MYDGF: variants seen among roughly 807,000 people sequenced by gnomAD.
The protein encoded by MYDGF is myeloid derived growth factor, also known as myeloid-derived growth factor.
A neutral mutation model predicts 24.2 loss-of-function variants in MYDGF; 29 were observed. That is an observed-to-expected ratio of 1.20 (90% confidence interval 0.89 to 1.63). MYDGF has a LOEUF of 1.63. MYDGF is among the 40% of genes most tolerant of loss of function. MYDGF has a pLI of 0.00. For synonymous variants in MYDGF, 105 were observed against 102.5 expected (o/e 1.02, Z -0.15); for missense variants, 245 against 234.8 (o/e 1.04, Z -0.29).
chr19:4,667,634 AC>A (rs1029519950), intron 2 of MYDGF, among the ~76,000 whole-genome samples: 82 of 152,200 alleles, frequency 5.4e-4, no homozygotes, highest in African/African-American at 1.5e-3. Context: ...GGAAACCGGG[AC>A]CTTGGTCCCT....
chr19:4,668,345 TG>T lies in MYDGF; in HGVS notation c.225+249del, dbSNP rs10708391. Among the ~76,000 whole-genome samples the T allele has an allele frequency of 4.7e-3, 715 of 152,352 alleles. 17 individuals carry two copies. The highest frequency in any genetic ancestry group is 0.042 in the Admixed American group (645 of 15,292). On this transcript the variant is annotated intron_variant, in intron 2 of 5. Coordinates refer to ENST00000262947, the MANE Select transcript of MYDGF (RefSeq NM_019107.4). Reference sequence around the variant, plus strand: ...AATACAACATCCCAACAGATGCTCATGGGGATGGCAGACTCCCATCTCCCCT... The same window carrying T: ...AATACAACATCCCAACAGATGCTCATGGGATGGCAGACTCCCATCTCCCCT...
At chr19:4,660,151 G>T in intron 4 of MYDGF, 148 bp from the exon 5 acceptor site, 1 of 742,076 alleles carries the variant, frequency 1.3e-6, no homozygotes, top group Non-Finnish European at 2.3e-6. Flanking sequence ...TTTGAGCCAG[G>T]ACCTCACTCT....
chr19:4,657,968 G>T lies in MYDGF; in HGVS notation c.*37C>A. On this transcript the variant is annotated 3_prime_UTR_variant, in exon 6 of 6. Coordinates refer to ENST00000262947, the MANE Select transcript of MYDGF (RefSeq NM_019107.4). ...GGACACAGGCCCCTTCAGCTTCACC[G>T]GAGATGAGAAGGTGCCACCCGCAAC... 3.2e-6 allele frequency: 5 copies of T among 1,572,804 alleles called. No individual in the cohort carries two copies. The highest frequency in any genetic ancestry group is 4.5e-5 in the East Asian group (2 of 44,004).
intron 3 of MYDGF, among the ~76,000 whole-genome samples, chr19:4,664,489 C>CAA (rs397958176): frequency 6.1e-4 from 54 of 87,858 alleles, no homozygotes; most frequent in Non-Finnish European, 8.1e-4. Context: ...GACTCCATCT[C>CAA]AAAAAAAAAA....
rs773564623 is a variant in MYDGF, at chr19:4,670,203, G to C, written c.132C>G (p.Pro44=). The change falls in exon 1 of 6, where the codon CCC becomes CCG. Residue 44 remains proline (P), a synonymous_variant. Transcript: ENST00000262947. ...GGGAGAAGGAATGCACGACGCCGCC[G>C]GGCCGCACGTCAAACGCCACCGTCG... is the stretch of plus-strand genomic sequence containing the variant. ...EPTTVAFDVR[P]GGVVHSFSHN... is the part of the protein sequence containing the mutation. The C allele has an allele frequency of 5.1e-6, 8 of 1,560,056 alleles. No individual in the cohort carries two copies. The highest frequency in any genetic ancestry group is 6.9e-6 in the Non-Finnish European group (8 of 1,156,344).
At chr19:4,665,841 A>G (rs1340899374) in intron 2 of MYDGF, among the ~76,000 whole-genome samples, 1 of 133,594 alleles carries the variant, frequency 7.5e-6, no homozygotes, top group African/African-American at 3.4e-5. Flanking sequence ...AAAAAAAAAA[A>G]AAAAAAAAAA....
intron 5 of MYDGF, among the ~76,000 whole-genome samples, chr19:4,659,242 A>AT (rs952051822): frequency 6.6e-6 from 1 of 151,486 alleles, no homozygotes; most frequent in Admixed American, 6.6e-5. Context: ...TGCCCGGCTA[A>AT]TTTTTTTTCT....
chr19:4,658,165 T>A, intron 5 of MYDGF, 81 bp from the exon 6 acceptor site: 1 of 1,286,936 alleles, frequency 7.8e-7, no homozygotes, highest in South Asian at 1.3e-5. Context: ...GGGCCCATGG[T>A]GGGGGCTAAG....
intron 3 of MYDGF, among the ~76,000 whole-genome samples, chr19:4,664,548 G>T (rs1410315432): frequency 1.3e-5 from 2 of 151,884 alleles, no homozygotes; most frequent in Non-Finnish European, 2.9e-5. Context: ...TCACCCTTAG[G>T]GGAGGGTGGA....
intron 1 of MYDGF, 130 bp downstream of exon 1, chr19:4,670,031 C>G: frequency 9.3e-7 from 1 of 1,076,630 alleles, no homozygotes; most frequent in South Asian, 2.6e-5. Context: ...CCGACCCTAA[C>G]AATCCGCACC....
At chr19:4,660,612 A>AGCT in intron 4 of MYDGF, 57 bp downstream of exon 4, 13 of 1,494,378 alleles carry the variant, frequency 8.7e-6, no homozygotes, top group Non-Finnish European at 1.1e-5. Context: ...GACATCTCAC[A>AGCT]GCTGCCCCAG....
intron 5 of MYDGF, 55 bp from the exon 6 acceptor site, chr19:4,658,139 C>A: frequency 6.6e-7 from 1 of 1,521,062 alleles, no homozygotes; most frequent in South Asian, 1.2e-5. Flanking sequence ...CTCAGAAGTC[C>A]GGAGGATTTG....
At chr19:4,660,645 C>A in intron 4 of MYDGF, 24 bp downstream of exon 4, 1 of 1,605,984 alleles carries the variant, frequency 6.2e-7, no homozygotes, top group Non-Finnish European at 8.5e-7. Flanking sequence ...ACACCCGGAG[C>A]CTGCCCCACT....
intron 3 of MYDGF, among the ~76,000 whole-genome samples, chr19:4,661,367 C>A (rs1209210541): frequency 6.6e-6 from 1 of 152,178 alleles, no homozygotes; most frequent in Non-Finnish European, 1.5e-5. Flanking sequence ...ATTCACTGCA[C>A]ATGGCTTCTT....
intron 5 of MYDGF, 86 bp from the exon 6 acceptor site, chr19:4,658,170 G>T (rs1416581848): frequency 1.7e-6 from 2 of 1,185,486 alleles, no homozygotes; most frequent in Non-Finnish European, 2.4e-6. Flanking sequence ...CATGGTGGGG[G>T]CTAAGCAGGC....
At chr19:4,662,891 G>A (rs1476761629) in intron 3 of MYDGF, among the ~76,000 whole-genome samples, 1 of 151,796 alleles carries the variant, frequency 6.6e-6, no homozygotes, top group Non-Finnish European at 1.5e-5. Flanking sequence ...CACCAGCTCC[G>A]CCAGTTCCAC....
intron 2 of MYDGF, among the ~76,000 whole-genome samples, chr19:4,667,051 C>T (rs1394073643): frequency 1.3e-5 from 2 of 150,540 alleles, no homozygotes; most frequent in Non-Finnish European, 3.0e-5. Context: ...CTAGAGGCCG[C>T]GTGTATTCCC....
chr19:4,664,969 G>C, intron 2 of MYDGF, 32 bp from the exon 3 acceptor site: 1 of 1,607,100 alleles, frequency 6.2e-7, no homozygotes, highest in Non-Finnish European at 8.5e-7. Context: ...GGTCAGCCCC[G>C]GACACACAGC....
rs902606661 is a variant in MYDGF, at chr19:4,662,171, C to T, written c.288-1421G>A. ...TTGTAAAGCGCCCCGCAGGGCACGG[C>T]GGGACAACACCCACACGAGGCAGCA... On this transcript the variant is annotated intron_variant, in intron 3 of 5. Transcript: ENST00000262947. Among the ~76,000 whole-genome samples the T allele has an allele frequency of 3.3e-5, 5 of 152,280 alleles. No individual in the cohort carries two copies. The East Asian group carries it at 9.7e-4, about 29-fold the overall frequency.
Sources: gnomAD v4.1 joint callset for allele counts (sites outside exome capture counted in the v4.1 genomes callset) on GRCh38, gnomAD v4.1.1 for gene constraint, MANE v1.5 for transcripts, NCBI Gene and HGNC (gene_info 2026-07-23, HGNC 2026-07-21) for gene names.